PCDH9: variants seen among roughly 807,000 people sequenced by gnomAD.
The protein encoded by PCDH9 is protocadherin 9, also known as protocadherin-9.
In PCDH9, 24 loss-of-function variants were observed where a neutral mutation model predicts 70.6. That is an observed-to-expected ratio of 0.34 (90% CI 0.25 to 0.48). The LOEUF (loss-of-function observed/expected upper bound fraction) is 0.48. PCDH9 is among the 20% of genes least tolerant of loss of function. The pLI is 0.99. For missense variants in PCDH9, 1,281 were observed against 1,503.6 expected, an observed-to-expected ratio of 0.85 and a Z score of 2.45; for synonymous variants, 562 against 558.5, an observed-to-expected ratio of 1.01 and a Z score of -0.09.
At chr13:66,760,813 G>A (rs1367124349) in intron 3 of PCDH9, among the ~76,000 whole-genome samples, 2 of 152,088 alleles carry the variant, frequency 1.3e-5, no homozygotes, top group South Asian at 2.1e-4. Context: ...TTCCCAGGGG[G>A]AGGTCTCGAA....
chr13:66,844,571 C>T (rs1159065939), intron 3 of PCDH9, among the ~76,000 whole-genome samples: 3 of 143,122 alleles, frequency 2.1e-5, no homozygotes, highest in African/African-American at 7.8e-5. Context: ...GGTGACAGGG[C>T]GAGACTCTGT....
intron 2 of PCDH9, among the ~76,000 whole-genome samples, chr13:66,930,470 C>T (rs1246862262): frequency 6.6e-6 from 1 of 151,982 alleles, no homozygotes; most frequent in African/African-American, 2.4e-5. Flanking sequence ...TTCCATATAG[C>T]CTTTGATCTA....
chr13:66,796,978 G>A (rs903573031), intron 3 of PCDH9, among the ~76,000 whole-genome samples: 2 of 152,026 alleles, frequency 1.3e-5, no homozygotes, highest in Non-Finnish European at 1.5e-5. Context: ...GATTATAAGA[G>A]GTGAGAAAAC....
intron 3 of PCDH9, among the ~76,000 whole-genome samples, chr13:66,809,573 T>A (rs115340835): frequency 0.016 from 2,392 of 152,294 alleles, 78 homozygotes; most frequent in African/African-American, 0.054. Context: ...CTGCTTAGAA[T>A]CATCATCAAG....
chr13:66,770,182 A>G (rs7337791), intron 3 of PCDH9, among the ~76,000 whole-genome samples: 44,249 of 151,956 alleles, frequency 0.29, 6,711 homozygotes, highest in East Asian at 0.43. Context: ...TACTACTTAT[A>G]TAATTTAAGT....
intron 3 of PCDH9, among the ~76,000 whole-genome samples, chr13:66,899,418 A>G (rs2082240100): frequency 6.6e-6 from 1 of 151,978 alleles, no homozygotes; most frequent in African/African-American, 2.4e-5. Flanking sequence ...TTTCCATCTG[A>G]CACTGATTTT....
chr13:66,496,605 C>T (rs1396184042), intron 4 of PCDH9, among the ~76,000 whole-genome samples: 1 of 152,172 alleles, frequency 6.6e-6, no homozygotes, highest in South Asian at 2.1e-4. Context: ...GTCCTGTAAA[C>T]ATCTGTCCTG....
intron 3 of PCDH9, among the ~76,000 whole-genome samples, chr13:66,676,250 T>C (rs149405772): frequency 1.1e-4 from 16 of 152,216 alleles, no homozygotes; most frequent in African/African-American, 3.9e-4. Flanking sequence ...TGAAAAATAG[T>C]GAAAAAGTAT....
chr13:66,442,771 A>G (rs1957999652), intron 4 of PCDH9, among the ~76,000 whole-genome samples: 1 of 152,140 alleles, frequency 6.6e-6, no homozygotes, highest in East Asian at 1.9e-4. Context: ...TTATGAAACC[A>G]TTTGGACTCT....
intron 2 of PCDH9, among the ~76,000 whole-genome samples, chr13:66,963,219 G>A (rs927672017): frequency 6.6e-6 from 1 of 152,162 alleles, no homozygotes; most frequent in Non-Finnish European, 1.5e-5. Context: ...CCTGTTGTGC[G>A]GCCCTGGGCC....
chr13:67,224,667 G>T, intron 2 of PCDH9: 1 of 279,662 alleles, frequency 3.6e-6, no homozygotes, highest in Non-Finnish European at 5.4e-6. Context: ...ACTAAGATGA[G>T]AGAATATTTA....
intron 4 of PCDH9, among the ~76,000 whole-genome samples, chr13:66,560,544 AC>A (rs1406120796): frequency 6.6e-6 from 1 of 152,166 alleles, no homozygotes; most frequent in Non-Finnish European, 1.5e-5. Context: ...CCTGGAAGGC[AC>A]TTTTTATCTG....
At chr13:66,519,375 C>T (rs1297765508) in intron 4 of PCDH9, among the ~76,000 whole-genome samples, 2 of 152,104 alleles carry the variant, frequency 1.3e-5, no homozygotes, top group East Asian at 1.9e-4. Context: ...TATGCACAAA[C>T]TGGTAATAGG....
At chr13:66,798,329 C>T (rs114985801) in intron 3 of PCDH9, among the ~76,000 whole-genome samples, 3,000 of 152,138 alleles carry the variant, frequency 0.02, 98 homozygotes, top group African/African-American at 0.068. Context: ...CACTGATTTT[C>T]TTGATCCAAA....
At chr13:66,390,138 G>T (rs1187568669) in intron 4 of PCDH9, among the ~76,000 whole-genome samples, 1 of 152,096 alleles carries the variant, frequency 6.6e-6, no homozygotes, top group African/African-American at 2.4e-5. Context: ...TCACGTATCT[G>T]TTCTTCAAAG....
intron 3 of PCDH9, among the ~76,000 whole-genome samples, chr13:66,748,943 G>A (rs986924667): frequency 6.6e-6 from 1 of 152,120 alleles, no homozygotes. Flanking sequence ...ACCCCATGCT[G>A]TTCTCATGAT....
intron 3 of PCDH9, among the ~76,000 whole-genome samples, chr13:66,841,808 T>G (rs1483546699): frequency 1.3e-5 from 2 of 152,226 alleles, no homozygotes; most frequent in African/African-American, 4.8e-5. Flanking sequence ...AAGTTTTATC[T>G]GGAGTCCTCC....
At chr13:66,738,124 C>T (rs2079186771) in intron 3 of PCDH9, among the ~76,000 whole-genome samples, 1 of 152,144 alleles carries the variant, frequency 6.6e-6, no homozygotes, top group African/African-American at 2.4e-5. Flanking sequence ...AGTGGTTCTC[C>T]CAGCACGCAG....
intron 3 of PCDH9, among the ~76,000 whole-genome samples, chr13:66,772,567 T>C (rs931709564): frequency 6.6e-6 from 1 of 152,176 alleles, no homozygotes; most frequent in Non-Finnish European, 1.5e-5. Context: ...TTTGTATTTT[T>C]ATTTTCTATA....
Sources: gnomAD v4.1 joint callset for allele counts (sites outside exome capture counted in the v4.1 genomes callset) on GRCh38, gnomAD v4.1.1 for gene constraint, MANE v1.5 for transcripts, NCBI Gene and HGNC (gene_info 2026-07-23, HGNC 2026-07-21) for gene names.